The following LYRM7 variants were observed in gnomAD, a reference collection of about 807,000 sequenced individuals.
LYRM7 encodes complex III assembly factor LYRM7.
A neutral mutation model predicts 15.8 loss-of-function variants in LYRM7; 9 were observed. That is an observed-to-expected ratio of 0.57 (90% confidence interval 0.34 to 0.99). The LOEUF (loss-of-function observed/expected upper bound fraction) is 0.99. LYRM7 is among the 50% of genes least tolerant of loss of function. The pLI, the probability that LYRM7 is intolerant of heterozygous loss-of-function variation, is 0.02. For missense variants in LYRM7, 115 were observed against 119.1 expected (o/e 0.97, Z 0.16); for synonymous variants, 39 against 39.4 (o/e 0.99, Z 0.04).
rs1756056244 is a variant in LYRM7, at chr5:131,201,140, C to G, written c.*1539C>G. Reference sequence around the variant, plus strand: ...ACCAGCCTGGCCAATGTGGTGAAACCCCATCTCTACTAAAAACACAAAAAT... The same window carrying G: ...ACCAGCCTGGCCAATGTGGTGAAACGCCATCTCTACTAAAAACACAAAAAT... On this transcript the variant is annotated 3_prime_UTR_variant, in exon 5 of 5. Transcript: ENST00000379380. 6.6e-6 allele frequency: 1 copy of G among 150,752 alleles called. No homozygotes were observed. Among genetic ancestry groups the G allele is most frequent in the Non-Finnish European group, 1.5e-5 (1 of 67,818 alleles). The allele number at this position is 150,752 out of a possible 1,614,324, so 9.3% of individuals were successfully genotyped here.
chr5:131,177,053 A>G (rs1179693591), intron 1 of LYRM7, among the ~76,000 whole-genome samples: 1 of 152,200 alleles, frequency 6.6e-6, no homozygotes, highest in Non-Finnish European at 1.5e-5. Context: ...CTTTAAGTAC[A>G]TTATATGATT....
rs1756025966 is a variant in LYRM7 at position 131,199,623 on chromosome 5, C to G, written c.*22C>G. ...ATGAGTTTTCTAGAATACAACAAGT[C>G]TTTGTACTTTTTAACTTTAAAATCT... On this transcript the variant is annotated 3_prime_UTR_variant, in exon 5 of 5. Coordinates refer to ENST00000379380, the MANE Select transcript of LYRM7 (RefSeq NM_181705.4). 3.9e-6 allele frequency: 6 copies of G among 1,541,590 alleles called. No individual in the cohort carries two copies. The highest frequency in any genetic ancestry group is 5.3e-6 in the Non-Finnish European group (6 of 1,136,342).
chr5:131,196,564 G>A (rs1308566415), intron 4 of LYRM7, among the ~76,000 whole-genome samples: 1 of 151,946 alleles, frequency 6.6e-6, no homozygotes, highest in African/African-American at 2.4e-5. Context: ...CAGCAGTGAA[G>A]ACAAAACCAC....
At position 131,204,855 on chromosome 5, in the gene LYRM7, ATTAATC is replaced by A. The variant is rs1404073666; in HGVS notation, c.*5261_*5266del. ...TACAAATGGGTAGAAACGATACATG[ATTAATC>A]TTAATCGGGAAGGAAAAGAGATTTA... On this transcript the variant is annotated 3_prime_UTR_variant, in exon 5 of 5. Coordinates refer to ENST00000379380, the MANE Select transcript of LYRM7 (RefSeq NM_181705.4). 6 of 152,216 alleles carry A rather than the reference ATTAATC, an allele frequency of 3.9e-5. No individual in the cohort carries two copies. Among genetic ancestry groups the A allele is most frequent in the Non-Finnish European group, 7.4e-5 (5 of 68,016 alleles). 9.4% of individuals were successfully genotyped at this position (152,216 alleles called of 1,614,324 possible).
intron 3 of LYRM7, among the ~76,000 whole-genome samples, chr5:131,184,648 G>T (rs1003182041): frequency 3.3e-5 from 5 of 150,002 alleles, no homozygotes; most frequent in Admixed American, 6.6e-5. Flanking sequence ...GGCGGGGGGG[G>T]GGTTCCAGGA....
intron 2 of LYRM7, among the ~76,000 whole-genome samples, chr5:131,181,638 C>T (rs866519467): frequency 6.6e-6 from 1 of 151,094 alleles, no homozygotes; most frequent in Non-Finnish European, 1.5e-5. Flanking sequence ...ACGGATTGTT[C>T]CATTAAACGC....
intron 1 of LYRM7, among the ~76,000 whole-genome samples, chr5:131,173,115 C>T (rs1005218886): frequency 6.6e-6 from 1 of 152,056 alleles, no homozygotes; most frequent in African/African-American, 2.4e-5. Context: ...TTTTTAATCC[C>T]ATGCAACATG....
chr5:131,181,231 A>C (rs991811345), intron 2 of LYRM7, among the ~76,000 whole-genome samples: 16 of 132,286 alleles, frequency 1.2e-4, no homozygotes, highest in African/African-American at 4.4e-4. Flanking sequence ...AGCCGAGATC[A>C]TGCCACTGCA....
chr5:131,187,895 A>G lies in LYRM7; in HGVS notation c.244+786A>G, dbSNP rs181832174. Among the ~76,000 whole-genome samples the G allele has an allele frequency of 5.9e-3, 894 of 152,256 alleles. 7 individuals are homozygous for G. The highest frequency in any genetic ancestry group is 0.031 in the Middle Eastern group (9 of 294). ...CCAGATGGTGCTTCAGCAAAATCTC[A>G]TTTCACATAATATTTTGTTTTTATT... is the stretch of plus-strand genomic sequence containing the variant. On this transcript the variant is annotated intron_variant, in intron 4 of 4. Transcript: ENST00000379380.
chr5:131,190,902 C>A (rs767360833), intron 4 of LYRM7, among the ~76,000 whole-genome samples: 1 of 151,904 alleles, frequency 6.6e-6, no homozygotes. Flanking sequence ...GTAGTATAGC[C>A]AACATTTTAT....
chr5:131,175,726 G>C (rs756769300), intron 1 of LYRM7, among the ~76,000 whole-genome samples: 1 of 149,446 alleles, frequency 6.7e-6, no homozygotes, highest in Non-Finnish European at 1.5e-5. Context: ...GTAGATACAG[G>C]GTTTGGCCAT....
chr5:131,192,936 A>G (rs748621682), intron 4 of LYRM7, among the ~76,000 whole-genome samples: 1 of 152,136 alleles, frequency 6.6e-6, no homozygotes, highest in Non-Finnish European at 1.5e-5. Flanking sequence ...TGACAAACAT[A>G]TATATTTTCA....
In LYRM7 at chr5:131,203,785, A is replaced by G. The variant is rs1227191549; in HGVS notation, c.*4184A>G. 1.3e-5 allele frequency: 2 copies of G among 152,386 alleles called. No individual in the cohort carries two copies. The highest frequency in any genetic ancestry group is 4.8e-5 in the African/African-American group (2 of 41,468). The allele number at this position is 152,386 out of a possible 1,614,324, so 9.4% of individuals were successfully genotyped here. ...ACTTCTGTATTCTGTGAAAGCTACT[A>G]TAAATAAAGTTTAGAGAAAGTTATT... On this transcript the variant is annotated 3_prime_UTR_variant, in exon 5 of 5. Coordinates refer to ENST00000379380, the MANE Select transcript of LYRM7 (RefSeq NM_181705.4).
chr5:131,179,979 C>T (rs973079340), intron 1 of LYRM7, 116 bp from the exon 2 acceptor site: 4 of 675,722 alleles, frequency 5.9e-6, no homozygotes, highest in African/African-American at 1.9e-5. Flanking sequence ...CTCACCATAT[C>T]GCCCAGGGTC....
chr5:131,182,962 A>G (rs1755737286), intron 3 of LYRM7, among the ~76,000 whole-genome samples: 1 of 152,166 alleles, frequency 6.6e-6, no homozygotes, highest in Non-Finnish European at 1.5e-5. Flanking sequence ...AAAACAAAAC[A>G]AAAAAATGGA....
intron 4 of LYRM7, among the ~76,000 whole-genome samples, chr5:131,198,641 A>G (rs993878613): frequency 6.6e-6 from 1 of 151,130 alleles, no homozygotes; most frequent in Non-Finnish European, 1.5e-5. Context: ...CGGCTCACTC[A>G]CTGCAACCTC....
Position 131,171,031 on chromosome 5 carries a change from C to T in LYRM7, c.11C>T (p.Ala4Val). 1.3e-6 allele frequency: 2 copies of T among 1,535,858 alleles called. No individual in the cohort carries two copies. The highest frequency in any genetic ancestry group is 1.7e-6 in the Non-Finnish European group (2 of 1,150,562). MGR[A>V]VKVLQLFKTL... is the part of the protein sequence containing the mutation. ...GCGGTGAGGAGAGCCATGGGACGGG[C>T]AGTCAAGGTGACAGGGCCCGGGAAG... is the stretch of plus-strand genomic sequence containing the variant. Residue 4 changes from alanine to valine, a missense_variant, in exon 1 of 5, where the codon GCA becomes GTA. Ala to Val is a moderately conservative substitution (Grantham distance 64). Coordinates refer to ENST00000379380, the MANE Select transcript of LYRM7 (RefSeq NM_181705.4).
chr5:131,197,182 T>C lies in LYRM7; in HGVS notation c.245-2349T>C, dbSNP rs1014702697. 2.0e-5 allele frequency among the ~76,000 whole-genome samples: 3 copies of C among 152,172 alleles called. No homozygotes were observed. The East Asian group carries it at 5.8e-4, about 29-fold the overall frequency. On this transcript the variant is annotated intron_variant, in intron 4 of 4. Coordinates refer to ENST00000379380, the MANE Select transcript of LYRM7 (RefSeq NM_181705.4). ...GCTATCTTTTCCATTAGATTGTGAG[T>C]TTCTGGAAGCTGAAGAGACTATTAT...
In LYRM7 at chr5:131,192,048, CA is replaced by C. The variant is rs1561547840; in HGVS notation, c.244+4940del. On this transcript the variant is annotated intron_variant, in intron 4 of 4. Transcript: ENST00000379380. ...TGTGGTGCATACACACACACACACA[CA>C]CACACACACACACACACACACACAC... Among the ~76,000 whole-genome samples, 12 of 121,898 alleles carry C rather than the reference CA, an allele frequency of 9.8e-5. No homozygotes were observed. The South Asian group carries it at 3.4e-3, about 35-fold the overall frequency. 80.0% of individuals were successfully genotyped at this position (121,898 alleles called of 152,430 possible). A position where few individuals can be genotyped will look rare whatever the true frequency, so the allele number is the denominator to read the frequency against.
Sources: gnomAD v4.1 joint callset for allele counts (sites outside exome capture counted in the v4.1 genomes callset) on GRCh38, gnomAD v4.1.1 for gene constraint, MANE v1.5 for transcripts, NCBI Gene and HGNC (gene_info 2026-07-23, HGNC 2026-07-21) for gene names.